ARHGEF10L: variants seen among roughly 807,000 people sequenced by gnomAD.
The protein encoded by ARHGEF10L is rho guanine nucleotide exchange factor 10-like protein.
Under a neutral mutation model 141.2 loss-of-function variants are expected in ARHGEF10L, and 69 were observed. That is an observed-to-expected ratio of 0.49 (90% CI 0.40 to 0.60). The LOEUF is 0.60. ARHGEF10L is among the 20% of genes least tolerant of loss of function. The probability of loss-of-function intolerance (pLI) is 0.00; values close to 1 mark genes in which losing one functional copy is unlikely to be tolerated. For missense variants in ARHGEF10L, 1,482 were observed against 1,734.3 expected, an observed-to-expected ratio of 0.85 and a Z score of 2.58; for synonymous variants, 711 against 718.5, an observed-to-expected ratio of 0.99 and a Z score of 0.17.
At chr1:17,554,369 G>C (rs2077223789) in intron 1 of ARHGEF10L, among the ~76,000 whole-genome samples, 1 of 152,100 alleles carries the variant, frequency 6.6e-6, no homozygotes, top group Non-Finnish European at 1.5e-5. Context: ...AGAGGATGCG[G>C]CTGGCAGGGA....
At chr1:17,614,238 G>A (rs1217850097) in intron 8 of ARHGEF10L, among the ~76,000 whole-genome samples, 4 of 151,706 alleles carry the variant, frequency 2.6e-5, no homozygotes, top group South Asian at 2.1e-4. Context: ...TTACAGTTAC[G>A]AGACCTTTCA....
intron 26 of ARHGEF10L, among the ~76,000 whole-genome samples, chr1:17,680,682 T>A (rs1412674914): frequency 6.6e-6 from 1 of 151,394 alleles, no homozygotes; most frequent in East Asian, 1.9e-4. Flanking sequence ...ACTGAGTCAC[T>A]GGGTAGTGGG....
intron 1 of ARHGEF10L, among the ~76,000 whole-genome samples, chr1:17,543,331 C>T (rs1319544262): frequency 6.6e-6 from 1 of 152,134 alleles, no homozygotes; most frequent in African/African-American, 2.4e-5. Context: ...GCGTGTAATC[C>T]CAGCACTTTG....
At chr1:17,680,192 G>A (rs919553605) in intron 26 of ARHGEF10L, among the ~76,000 whole-genome samples, 1 of 152,192 alleles carries the variant, frequency 6.6e-6, no homozygotes, top group African/African-American at 2.4e-5. Flanking sequence ...TGCCCAGTCA[G>A]GCATTGGAAA....
intron 1 of ARHGEF10L, among the ~76,000 whole-genome samples, chr1:17,577,246 A>G (rs1171769074): frequency 3.9e-5 from 6 of 152,084 alleles, no homozygotes; most frequent in Admixed American, 3.3e-4. Flanking sequence ...GGGTTTCACC[A>G]TGTTGGCCAG....
In ARHGEF10L at chr1:17,654,733, C is replaced by A; in HGVS notation, c.2481+11C>A. The A allele has an allele frequency of 1.2e-6, 2 of 1,612,712 alleles. No homozygotes were observed. The highest frequency in any genetic ancestry group is 4.5e-5 in the East Asian group (2 of 44,868). On this transcript the variant is annotated intron_variant, in intron 23 of 28. Transcript: ENST00000361221. The surrounding 1 kb of genome is among the most constrained non-coding windows in gnomAD (Gnocchi z 4.3). ...CAGGGCTACCTCTGGGTGAGTCACC[C>A]CCCTGCCCAGCTGGGCATTCTGGCC...
intron 7 of ARHGEF10L, among the ~76,000 whole-genome samples, chr1:17,611,887 A>G (rs975438056): frequency 1.3e-5 from 2 of 152,092 alleles, no homozygotes; most frequent in Non-Finnish European, 2.9e-5. Flanking sequence ...TCTTTTGTGT[A>G]CTTTACCAAA....
intron 26 of ARHGEF10L, among the ~76,000 whole-genome samples, chr1:17,682,715 G>A (rs958190021): frequency 1.3e-5 from 2 of 152,074 alleles, no homozygotes; most frequent in African/African-American, 4.8e-5. Context: ...TGAGGGGGCA[G>A]GAAGCACTGG....
chr1:17,552,195 C>T (rs947356336), intron 1 of ARHGEF10L, among the ~76,000 whole-genome samples: 8 of 151,962 alleles, frequency 5.3e-5, no homozygotes, highest in African/African-American at 1.2e-4. Flanking sequence ...AGGCAGAGGG[C>T]GAGGGGAGGG....
rs542473682 is a variant in ARHGEF10L at position 17,649,337 on chromosome 1, C to A, written c.2394+662C>A. Among the ~76,000 whole-genome samples, 166 of 152,318 alleles carry A rather than the reference C, an allele frequency of 1.1e-3. 1 individual carries two copies. Among genetic ancestry groups the A allele is most frequent in the African/African-American group, 3.9e-3 (163 of 41,566 alleles). ...CCTTCACGGGTTACCTGCCCTTATACCCTGTCCTAGCTCGCCCTCCATCTA... is the reference window on the plus strand; with the variant it reads ...CCTTCACGGGTTACCTGCCCTTATAACCTGTCCTAGCTCGCCCTCCATCTA... On this transcript the variant is annotated intron_variant, in intron 22 of 28. Coordinates refer to ENST00000361221, the MANE Select transcript of ARHGEF10L (RefSeq NM_018125.4).
intron 7 of ARHGEF10L, among the ~76,000 whole-genome samples, chr1:17,611,450 T>C (rs904070170): frequency 6.6e-6 from 1 of 152,216 alleles, no homozygotes; most frequent in African/African-American, 2.4e-5. Context: ...GATTCTCATT[T>C]TGTTGATCAG....
rs2061191522 is a variant in ARHGEF10L, at chr1:17,639,259, GT to G, written c.2171+573del. 6.6e-6 allele frequency among the ~76,000 whole-genome samples: 1 copy of G among 152,254 alleles called. No individual in the cohort carries two copies. Among genetic ancestry groups the G allele is most frequent in the Admixed American group, 6.5e-5 (1 of 15,290 alleles). ...ACAGATGAGGAAGGTGAGGCTCAGA[GT>G]TTCAGGAGAGGCTGAAGGCCACATC... On this transcript the variant is annotated intron_variant, in intron 20 of 28. Transcript: ENST00000361221. The surrounding 1 kb of genome is among the most constrained non-coding windows in gnomAD (Gnocchi z 4.3).
intron 1 of ARHGEF10L, among the ~76,000 whole-genome samples, chr1:17,541,456 T>C (rs1406942115): frequency 2.6e-5 from 4 of 152,174 alleles, no homozygotes; most frequent in Non-Finnish European, 4.4e-5. Context: ...GGTTCCCAAA[T>C]TCTGTTTCAA....
chr1:17,593,117 G>A (rs186190972), intron 4 of ARHGEF10L, among the ~76,000 whole-genome samples: 123 of 152,256 alleles, frequency 8.1e-4, no homozygotes, highest in Non-Finnish European at 1.7e-3. Flanking sequence ...GTACCTGGTT[G>A]GCACATCTCT....
chr1:17,660,318 C>T (rs1396571352), intron 25 of ARHGEF10L, among the ~76,000 whole-genome samples: 1 of 152,158 alleles, frequency 6.6e-6, no homozygotes, highest in Admixed American at 6.5e-5. Flanking sequence ...ATCAGGCTGC[C>T]GGGATTGAGT....
chr1:17,526,399 A>G, the ARHGEF10L span, among the ~76,000 whole-genome samples: 11 of 152,246 alleles, frequency 7.2e-5, no homozygotes, highest in African/African-American at 2.6e-4. Context: ...TTAGTGGAAA[A>G]ATTTGGACTT....
Position 17,687,775 on chromosome 1 carries a change from G to A in ARHGEF10L, c.3184+28G>A, listed in dbSNP as rs2297914. 2.5e-3 allele frequency: 3,927 copies of A among 1,551,402 alleles called. 130 individuals carry two copies. In the East Asian group the frequency reaches 0.076, roughly 30 times the overall value. ...GAGGCTGCCTCGGGCACGGGGGAGCGGACAGTCACAGAGCACCTTCCACGG... is the reference window on the plus strand; with the variant it reads ...GAGGCTGCCTCGGGCACGGGGGAGCAGACAGTCACAGAGCACCTTCCACGG... On this transcript the variant is annotated intron_variant, in intron 27 of 28. Transcript: ENST00000361221.
At chr1:17,651,883 C>G (rs1466849491) in intron 22 of ARHGEF10L, among the ~76,000 whole-genome samples, 1 of 152,192 alleles carries the variant, frequency 6.6e-6, no homozygotes, top group Non-Finnish European at 1.5e-5. Context: ...TGCCCACACC[C>G]TACCCCACCC....
chr1:17,695,795 C>A (rs558399615), intron 28 of ARHGEF10L, among the ~76,000 whole-genome samples: 4 of 152,188 alleles, frequency 2.6e-5, no homozygotes, highest in African/African-American at 9.7e-5. Flanking sequence ...CCCCCTCCAC[C>A]ACCCTGAGAA....
Sources: allele counts gnomAD v4.1 joint callset (sites outside exome capture counted in the v4.1 genomes callset), GRCh38; gene constraint gnomAD v4.1.1; non-coding constraint Gnocchi (gnomAD v3.1); transcripts MANE v1.5; gene names NCBI Gene and HGNC (gene_info 2026-07-23, HGNC 2026-07-21).